Variants in MGAT5B observed in about 807,000 individuals in gnomAD.
MGAT5B encodes alpha-1,6-mannosylglycoprotein 6-beta-N-acetylglucosaminyltransferase B.
MGAT5B carries 54 observed loss-of-function variants against 95.1 expected under a neutral mutation model. The observed-to-expected ratio is 0.57, with a 90% CI of 0.46 to 0.71. The LOEUF is 0.71. MGAT5B is among the 30% of genes least tolerant of loss of function. MGAT5B has a pLI of 0.00. For synonymous variants in MGAT5B, 464 were observed against 451.0 expected (o/e 1.03, Z -0.36); for missense variants, 935 against 1,088.6 (o/e 0.86, Z 1.99).
chr17:76,905,070 C>T lies in MGAT5B; in HGVS notation c.691-99C>T. On this transcript the variant is annotated intron_variant, in intron 6 of 17. Coordinates refer to ENST00000569840, the MANE Select transcript of MGAT5B (RefSeq NM_001199172.2). The surrounding 1 kb of genome is among the most constrained non-coding windows in gnomAD (Gnocchi z 4.2). ...GTGCAGGAGAAGCTGGAGCAGGCCC[C>T]AGCCTCATGGGAGGGTGCCAGCCCC... 2 of 1,330,428 alleles carry T rather than the reference C, an allele frequency of 1.5e-6. No individual in the cohort carries two copies. The highest frequency in any genetic ancestry group is 2.0e-6 in the Non-Finnish European group (2 of 984,602). 82.4% of individuals were successfully genotyped at this position (1,330,428 alleles called of 1,614,324 possible).
Position 76,914,245 on chromosome 17 carries a change from C to T in MGAT5B, c.1025+8058C>T, listed in dbSNP as rs574980617. ...CAGTCGTGGGGACAAAGGTCCTAAA[C>T]CCAGTGGGCTGTGGGAGTGTGGAAG... On this transcript the variant is annotated intron_variant, in intron 8 of 17. Transcript: ENST00000569840. This position sits in a 1 kb window ranked among gnomAD's most constrained non-coding sequence, Gnocchi z 5.1. 1 of 173,376 alleles carries T rather than the reference C, an allele frequency of 5.8e-6. No homozygotes were observed. Among genetic ancestry groups the T allele is most frequent in the Admixed American group, 5.6e-5 (1 of 17,768 alleles). The allele number at this position is 173,376 out of a possible 1,614,324, so 10.7% of individuals were successfully genotyped here. A position where few individuals can be genotyped will look rare whatever the true frequency, so the allele number is the denominator to read the frequency against.
rs200985689 is a variant in MGAT5B at position 76,940,361 on chromosome 17, G to A, written c.1585-41G>A. Reference sequence around the variant, plus strand: ...ATCCTGGTGCTTACTGGGCTGTGGCGGCCCAGCCCTCCCTGATCACTGCGC... The same window carrying A: ...ATCCTGGTGCTTACTGGGCTGTGGCAGCCCAGCCCTCCCTGATCACTGCGC... On this transcript the variant is annotated intron_variant, in intron 13 of 17. Coordinates refer to ENST00000569840, the MANE Select transcript of MGAT5B (RefSeq NM_001199172.2). The surrounding 1 kb of genome is among the most constrained non-coding windows in gnomAD (Gnocchi z 4.3). 2.6e-3 allele frequency: 3,898 copies of A among 1,527,714 alleles called. 6 individuals carry two copies. The highest frequency in any genetic ancestry group is 3.3e-3 in the Non-Finnish European group (3,759 of 1,135,520). 94.6% of individuals were successfully genotyped at this position (1,527,714 alleles called of 1,614,324 possible).
In MGAT5B at chr17:76,868,489, G is replaced by A. The variant is rs1966882233; in HGVS notation, c.-541G>A. The A allele has an allele frequency of 6.7e-6, 1 of 150,030 alleles. No homozygotes were observed. The highest frequency in any genetic ancestry group is 6.7e-5 in the Admixed American group (1 of 15,032). The allele number at this position is 150,030 out of a possible 1,614,324, so 9.3% of individuals were successfully genotyped here. ...GGACGCCGGACACCAGAGCGCGGGC[G>A]GCGGAGCCAGCGGGCGAGAGAGCGC... On this transcript the variant is annotated 5_prime_UTR_variant, in exon 1 of 18. Coordinates refer to ENST00000569840, the MANE Select transcript of MGAT5B (RefSeq NM_001199172.2). The surrounding 1 kb of genome is among the most constrained non-coding windows in gnomAD (Gnocchi z 6.3).
chr17:76,905,111 G>T lies in MGAT5B; in HGVS notation c.691-58G>T, dbSNP rs113300616. 1 of 1,541,648 alleles carries T rather than the reference G, an allele frequency of 6.5e-7. No individual in the cohort carries two copies. Among genetic ancestry groups the T allele is most frequent in the East Asian group, 2.3e-5 (1 of 43,452 alleles). On this transcript the variant is annotated intron_variant, in intron 6 of 17. Transcript: ENST00000569840. This position sits in a 1 kb window ranked among gnomAD's most constrained non-coding sequence, Gnocchi z 4.2. The stretch of plus-strand genomic sequence containing the variant: ...TGCCAGCCCCTGTCCCCAGGCCAGC[G>T]GGGAATGATGGTGGCCGCAGGTTGA...
At chr17:76,913,858 C>G (rs1284712965) in intron 8 of MGAT5B, 1 of 449,634 alleles carries the variant, frequency 2.2e-6, no homozygotes, top group Non-Finnish European at 4.5e-6. Flanking sequence ...CTCCTGTAAT[C>G]CCAGCACTTT....
chr17:76,896,691 G>C (rs1968074429), intron 3 of MGAT5B, among the ~76,000 whole-genome samples: 1 of 152,178 alleles, frequency 6.6e-6, no homozygotes, highest in Admixed American at 6.5e-5. Flanking sequence ...AGTGCAGCCA[G>C]GATTTGAACC....
At chr17:76,877,682 C>A (rs926100679) in intron 2 of MGAT5B, among the ~76,000 whole-genome samples, 2 of 152,154 alleles carry the variant, frequency 1.3e-5, no homozygotes, top group African/African-American at 4.8e-5. Context: ...CTGCGGTGAG[C>A]GAGTACAGAG....
Position 76,938,017 on chromosome 17 carries a change from C to T in MGAT5B, c.1458C>T (p.Asn486=). The part of the protein sequence containing the change: ...QGKEKFLGIL[N]KYMEIHGTVY... ...AGGAGAAGTTCCTGGGCATCCTGAA[C>T]AAATACATGGAGATCCATGGCACCG... is the stretch of plus-strand genomic sequence containing the variant. Residue 486 remains asparagine (N), a synonymous_variant, in exon 13 of 18, where the codon AAC becomes AAT. Transcript: ENST00000569840. This position sits in a 1 kb window ranked among gnomAD's most constrained non-coding sequence, Gnocchi z 4.3. The T allele has an allele frequency of 6.2e-7, 1 of 1,614,168 alleles. No homozygotes were observed. The highest frequency in any genetic ancestry group is 8.5e-7 in the Non-Finnish European group (1 of 1,179,980).
At chr17:76,890,529 G>A (rs373535013) in intron 3 of MGAT5B, among the ~76,000 whole-genome samples, 6 of 152,014 alleles carry the variant, frequency 3.9e-5, no homozygotes, top group Admixed American at 2.6e-4. Flanking sequence ...TTTGAGACAG[G>A]GTCTCCCTCT....
chr17:76,930,214 A>G lies in MGAT5B; in HGVS notation c.1292-2431A>G, dbSNP rs982115218. On this transcript the variant is annotated intron_variant, in intron 10 of 17. Transcript: ENST00000569840. The surrounding 1 kb of genome is among the most constrained non-coding windows in gnomAD (Gnocchi z 4.1). ...TTCTGTAGTTGAATTTTCAGGCCCA[A>G]GAATCTGTGAGCTTTGGGGGCACTT... 3.6e-4 allele frequency among the ~76,000 whole-genome samples: 55 copies of G among 151,608 alleles called. No individual in the cohort carries two copies. Among genetic ancestry groups the G allele is most frequent in the African/African-American group, 1.3e-3 (53 of 41,254 alleles).
intron 8 of MGAT5B, among the ~76,000 whole-genome samples, chr17:76,908,693 A>T (rs1216277955): frequency 1.3e-5 from 2 of 152,056 alleles, no homozygotes; most frequent in Non-Finnish European, 1.5e-5. Flanking sequence ...GGTACTGGGG[A>T]TCTATCATCT....
At chr17:76,879,172 C>T (rs995804718) in intron 2 of MGAT5B, among the ~76,000 whole-genome samples, 4 of 152,072 alleles carry the variant, frequency 2.6e-5, no homozygotes, top group South Asian at 4.2e-4. Context: ...GAGCTGTGAC[C>T]GTGAGGTTTC....
chr17:76,928,627 C>G (rs1969389559), intron 10 of MGAT5B, among the ~76,000 whole-genome samples: 1 of 151,948 alleles, frequency 6.6e-6, no homozygotes, highest in Non-Finnish European at 1.5e-5. Context: ...ATCACTTGAA[C>G]CCGGGAGGTG....
chr17:76,871,247 C>T (rs754638974), intron 1 of MGAT5B, among the ~76,000 whole-genome samples: 4 of 152,198 alleles, frequency 2.6e-5, no homozygotes, highest in Admixed American at 6.5e-5. Flanking sequence ...GTGCCATGGC[C>T]GTGGCTGTTG....
At chr17:76,871,085 C>G (rs1221432974) in intron 1 of MGAT5B, among the ~76,000 whole-genome samples, 1 of 152,100 alleles carries the variant, frequency 6.6e-6, no homozygotes, top group African/African-American at 2.4e-5. Flanking sequence ...CAGCCCAGGT[C>G]CCCAGCTCTA....
rs1255909527 is a variant in MGAT5B, at chr17:76,902,653, T to G, written c.428T>G (p.Leu143Arg). ...VKVDQILRHS[L>R]LLHSKVSEGR... ...GTGGACCAGATCCTGCGCCACAGTC[T>G]GCTCCTGCACAGCAAGGGTGGGTGC... The change falls in exon 4 of 18, where the codon CTG becomes CGG. Residue 143 changes from leucine to arginine, a missense_variant. Physicochemically the swap from Leu to Arg is moderately radical, Grantham distance 102. Coordinates refer to ENST00000569840, the MANE Select transcript of MGAT5B (RefSeq NM_001199172.2). 1 of 1,568,414 alleles carries G rather than the reference T, an allele frequency of 6.4e-7. No homozygotes were observed. The highest frequency in any genetic ancestry group is 1.4e-5 in the African/African-American group (1 of 73,692).
rs943813824 is a variant in MGAT5B, at chr17:76,899,067, A to G, written c.330-3488A>G. Among the ~76,000 whole-genome samples, 4 of 152,188 alleles carry G rather than the reference A, an allele frequency of 2.6e-5. No homozygotes were observed. In the East Asian group the frequency reaches 5.8e-4, roughly 22 times the overall value. On this transcript the variant is annotated intron_variant, in intron 3 of 17. Coordinates refer to ENST00000569840, the MANE Select transcript of MGAT5B (RefSeq NM_001199172.2). ...AAGTGACCTGGCTCTTGCAAGACGG[A>G]TGGAGAGGAGCCTCGCTCCAGGGAG...
intron 3 of MGAT5B, among the ~76,000 whole-genome samples, chr17:76,901,450 T>C (rs1319729612): frequency 1.3e-5 from 2 of 150,640 alleles, no homozygotes; most frequent in Non-Finnish European, 2.9e-5. Context: ...CCCCCAGGGC[T>C]ATCTTTGTGT....
intron 3 of MGAT5B, among the ~76,000 whole-genome samples, chr17:76,887,926 C>A (rs1839633614): frequency 6.6e-6 from 1 of 151,946 alleles, no homozygotes; most frequent in African/African-American, 2.4e-5. Context: ...CTCATGGCCC[C>A]CCAGCTCACT....
Sources: allele counts gnomAD v4.1 joint callset (sites outside exome capture counted in the v4.1 genomes callset), GRCh38; gene constraint gnomAD v4.1.1; non-coding constraint Gnocchi (gnomAD v3.1); transcripts MANE v1.5; gene names NCBI Gene and HGNC (gene_info 2026-07-23, HGNC 2026-07-21).